The following MGAT3 variants were observed in gnomAD, a reference collection of about 807,000 sequenced individuals.
MGAT3 encodes the protein GlcNAc-T III.
In MGAT3, 9 loss-of-function variants were observed where a neutral mutation model predicts 29.8. The observed-to-expected ratio is 0.30, with a 90% CI of 0.18 to 0.53. The LOEUF (loss-of-function observed/expected upper bound fraction) is 0.53. Ranked by LOEUF, MGAT3 falls within the 20% of genes least tolerant of loss-of-function variation. The pLI, the probability that MGAT3 is intolerant of heterozygous loss-of-function variation, is 0.96. For missense variants in MGAT3, 557 were observed against 769.5 expected, an observed-to-expected ratio of 0.72 and a Z score of 3.27; for synonymous variants, 397 against 348.9, an observed-to-expected ratio of 1.14 and a Z score of -1.54.
In MGAT3 at chr22:39,487,401, C is replaced by T. The variant is rs746273366; in HGVS notation, c.54C>T (p.Cys18=). 1.3e-6 allele frequency: 2 copies of T among 1,597,730 alleles called. No individual in the cohort carries two copies. Among genetic ancestry groups the T allele is most frequent in the Non-Finnish European group, 1.7e-6 (2 of 1,167,778 alleles). ...LFLMFCMAGL[C]LISFLHFFKT... is the part of the protein sequence containing the mutation. The stretch of plus-strand genomic sequence containing the variant: ...TCATGTTCTGTATGGCCGGCCTGTG[C>T]CTCATCTCCTTCCTGCACTTCTTCA... The change falls in exon 2 of 2, where the codon TGC becomes TGT. Residue 18 remains cysteine (C), a synonymous_variant. Transcript: ENST00000341184. The surrounding 1 kb of genome is among the most constrained non-coding windows in gnomAD (Gnocchi z 5.7).
chr22:39,457,022 A>G lies in MGAT3; in HGVS notation c.-537A>G, dbSNP rs1205646826. On this transcript the variant is annotated 5_prime_UTR_variant, in exon 1 of 2. Coordinates refer to ENST00000341184, the MANE Select transcript of MGAT3 (RefSeq NM_002409.5). This position sits in a 1 kb window ranked among gnomAD's most constrained non-coding sequence, Gnocchi z 6.8. ...CGCGCGCACACTCGCACTCACACAC[A>G]CTCGCTCGCACACGCACACACTCGA... is the stretch of plus-strand genomic sequence containing the variant. 4.0e-5 allele frequency among the ~76,000 whole-genome samples: 6 copies of G among 149,746 alleles called. No individual in the cohort carries two copies. Among genetic ancestry groups the G allele is most frequent in the Non-Finnish European group, 7.4e-5 (5 of 67,350 alleles).
intron 1 of MGAT3, among the ~76,000 whole-genome samples, chr22:39,475,128 C>CTTTTTTTTTTTTTTTTTTTTTT (rs58543840): frequency 2.5e-5 from 3 of 118,798 alleles, no homozygotes; most frequent in African/African-American, 1.1e-4. Context: ...GCTTGCCAGG[C>CTTTTTTTTTTTTTTTTTTTTTT]TTTTTTTTTT....
chr22:39,476,974 T>A (rs1928983523), intron 1 of MGAT3, among the ~76,000 whole-genome samples: 1 of 152,132 alleles, frequency 6.6e-6, no homozygotes, highest in Non-Finnish European at 1.5e-5. Context: ...ATCGGCCATG[T>A]TCTGCAGCCA....
chr22:39,486,333 C>A, intron 1 of MGAT3: 1 of 286,434 alleles, frequency 3.5e-6, no homozygotes, highest in East Asian at 1.3e-4. Flanking sequence ...TTAGTAGAGA[C>A]AGGGTTTCAC....
At chr22:39,458,021 A>G (rs990017852) in intron 1 of MGAT3, among the ~76,000 whole-genome samples, 2 of 151,960 alleles carry the variant, frequency 1.3e-5, no homozygotes, top group African/African-American at 2.4e-5. Flanking sequence ...CCGAGGCCCA[A>G]GCGCAGTCGG....
At position 39,488,089 on chromosome 22, in the gene MGAT3, C is replaced by T. The variant is rs142858378; in HGVS notation, c.742C>T (p.Pro248Ser). Reference protein sequence around the residue: ...CESNFTAYGEPRPLKFREMLT... With the variant: ...CESNFTAYGESRPLKFREMLT... ...GTCCAACTTCACGGCTTATGGGGAG[C>T]CGCGGCCGCTCAAGTTCCGGGAGAT... Residue 248 changes from proline (P) to serine (S), a missense_variant, in exon 2 of 2, where the codon CCG becomes TCG. Physicochemically the swap from Pro to Ser is moderately conservative, Grantham distance 74. Around this residue, in one of 3 missense-constraint regions of MGAT3, gnomAD observed 243 missense variants for 444.0 expected, o/e 0.55. Transcript: ENST00000341184. The T allele has an allele frequency of 4.3e-6, 7 of 1,612,070 alleles. No homozygotes were observed. Among genetic ancestry groups the T allele is most frequent in the Non-Finnish European group, 5.9e-6 (7 of 1,179,124 alleles).
chr22:39,458,056 G>C (rs996088251), intron 1 of MGAT3, among the ~76,000 whole-genome samples: 13 of 152,130 alleles, frequency 8.5e-5, no homozygotes, highest in Non-Finnish European at 1.9e-4. Context: ...CGGGGGCTGC[G>C]GCCGTAGCTA....
At chr22:39,485,423 A>C (rs1929243483) in intron 1 of MGAT3, among the ~76,000 whole-genome samples, 1 of 152,230 alleles carries the variant, frequency 6.6e-6, no homozygotes, top group African/African-American at 2.4e-5. Flanking sequence ...TGGGAGCAAC[A>C]GGGTGAAGTG....
intron 1 of MGAT3, among the ~76,000 whole-genome samples, chr22:39,459,198 C>T (rs1412191192): frequency 1.3e-5 from 2 of 151,938 alleles, no homozygotes; most frequent in East Asian, 1.9e-4. Flanking sequence ...CTCGGCCTCC[C>T]GAGTAGCTGG....
chr22:39,469,960 CA>C (rs1193024106), intron 1 of MGAT3, among the ~76,000 whole-genome samples: 1 of 152,258 alleles, frequency 6.6e-6, no homozygotes, highest in Non-Finnish European at 1.5e-5. Context: ...CCTGCACCCC[CA>C]AACCGGAGGA....
chr22:39,464,472 C>T (rs1027154981), intron 1 of MGAT3, among the ~76,000 whole-genome samples: 18 of 151,992 alleles, frequency 1.2e-4, no homozygotes, highest in African/African-American at 4.1e-4. Context: ...CGGAGTTTCA[C>T]TGTGTCACCC....
intron 1 of MGAT3, among the ~76,000 whole-genome samples, chr22:39,463,756 TA>T (rs940138463): frequency 3.4e-5 from 5 of 147,788 alleles, no homozygotes; most frequent in African/African-American, 7.5e-5. Flanking sequence ...TACAAAAAAT[TA>T]AAAAAAAAAT....
In MGAT3 at chr22:39,488,632, T is replaced by C. The variant is rs770191034; in HGVS notation, c.1285T>C (p.Tyr429His). The change falls in exon 2 of 2, where the codon TAC (tyrosine) becomes CAC (histidine). Residue 429 changes from tyrosine to histidine, a missense_variant. Physicochemically the swap from Tyr to His is moderately conservative, Grantham distance 83. Around this residue, in one of 3 missense-constraint regions of MGAT3, gnomAD observed 243 missense variants for 444.0 expected, o/e 0.55. Coordinates refer to ENST00000341184, the MANE Select transcript of MGAT3 (RefSeq NM_002409.5). ...CSWCFTPEGI[Y>H]FKLVSAQNGD... ...CTGGTGCTTCACGCCCGAGGGCATC[T>C]ACTTCAAGCTCGTGTCCGCCCAGAA... The C allele has an allele frequency of 6.2e-7, 1 of 1,613,570 alleles. No individual in the cohort carries two copies. Among genetic ancestry groups the C allele is most frequent in the South Asian group, 1.1e-5 (1 of 91,090 alleles).
At position 39,488,185 on chromosome 22, in the gene MGAT3, G is replaced by A. The variant is rs149346413; in HGVS notation, c.838G>A (p.Gly280Ser). The A allele has an allele frequency of 1.2e-6, 2 of 1,612,900 alleles. No homozygotes were observed. The highest frequency in any genetic ancestry group is 1.7e-6 in the Non-Finnish European group (2 of 1,179,942). Reference protein sequence around the residue: ...LYVFLDHFPPGGRQDGWIADD... With the variant: ...LYVFLDHFPPSGRQDGWIADD... Reference sequence around the variant, plus strand: ...TGTCTTCCTGGACCACTTCCCGCCCGGCGGCCGGCAGGACGGCTGGATCGC... The same window carrying A: ...TGTCTTCCTGGACCACTTCCCGCCCAGCGGCCGGCAGGACGGCTGGATCGC... Residue 280 changes from glycine to serine, a missense_variant, in exon 2 of 2, where the codon GGC (glycine) becomes AGC (serine). Gly to Ser is a moderately conservative substitution (Grantham distance 56, BLOSUM62 0). This residue lies in a region of MGAT3 where 243 missense variants were observed against 444.0 expected (regional missense o/e 0.55). Transcript: ENST00000341184.
At chr22:39,478,115 C>T (rs770638588) in intron 1 of MGAT3, among the ~76,000 whole-genome samples, 8 of 152,180 alleles carry the variant, frequency 5.3e-5, no homozygotes, top group Non-Finnish European at 7.4e-5. Flanking sequence ...AGGACCAGGC[C>T]GGGTGGAAGG....
chr22:39,468,063 G>A (rs988413376), intron 1 of MGAT3, among the ~76,000 whole-genome samples: 1 of 151,890 alleles, frequency 6.6e-6, no homozygotes, highest in Non-Finnish European at 1.5e-5. Context: ...TCTCCAAGCA[G>A]AGGTGGACAG....
At position 39,459,072 on chromosome 22, in the gene MGAT3, CTTTTTTTT is replaced by C. The variant is rs3043636; in HGVS notation, c.-2+1527_-2+1534del. 2.6e-4 allele frequency among the ~76,000 whole-genome samples: 37 copies of C among 141,332 alleles called. 1 individual carries two copies. Among genetic ancestry groups the C allele is most frequent in the Middle Eastern group, 7.0e-3 (2 of 286 alleles). The allele number at this position is 141,332 out of a possible 152,430, so 92.7% of individuals were successfully genotyped here. A position where few individuals can be genotyped will look rare whatever the true frequency, so the allele number is the denominator to read the frequency against. ...ATTCCTTTTTCTTTTCTTTTCTTTT[CTTTTTTTT>C]TTTTTTTTTTTGAGATGGAGCCTCA... On this transcript the variant is annotated intron_variant, in intron 1 of 1. Transcript: ENST00000341184.
At chr22:39,479,001 TCACCTGGCTGCCAGGAAG>T (rs1929046837) in intron 1 of MGAT3, among the ~76,000 whole-genome samples, 1 of 152,184 alleles carries the variant, frequency 6.6e-6, no homozygotes, top group Non-Finnish European at 1.5e-5. Context: ...TCTTCCAGGA[TCACCTGGCTGCCAGGAAG>T]CACCTGGCCC....
At position 39,488,796 on chromosome 22, in the gene MGAT3, G is replaced by A. The variant is rs1018999370; in HGVS notation, c.1449G>A (p.Ala483=). The change falls in exon 2 of 2, where the codon GCG becomes GCA. Residue 483 remains alanine, a synonymous_variant. Transcript: ENST00000341184. ...PPADPSEHMY[A]PKYLLKNYDR... ...CAGACCCCAGCGAGCACATGTATGC[G>A]CCCAAGTACCTGCTGAAGAACTACG... 2.1e-5 allele frequency: 34 copies of A among 1,610,978 alleles called. No individual in the cohort carries two copies. Among genetic ancestry groups the A allele is most frequent in the Non-Finnish European group, 2.6e-5 (31 of 1,178,680 alleles).
Sources: allele counts gnomAD v4.1 joint callset (sites outside exome capture counted in the v4.1 genomes callset), GRCh38; gene constraint gnomAD v4.1.1; regional missense constraint gnomAD v4.1.1; non-coding constraint Gnocchi (gnomAD v3.1); transcripts MANE v1.5; gene names NCBI Gene and HGNC (gene_info 2026-07-23, HGNC 2026-07-21).